TENM3: variants seen among roughly 807,000 people sequenced by gnomAD.
The protein encoded by TENM3 is teneurin transmembrane protein 3.
A neutral mutation model predicts 255.1 loss-of-function variants in TENM3; 63 were observed. The ratio of observed to expected loss-of-function variants is 0.25; its 90% CI spans 0.20 to 0.30. TENM3 has a LOEUF of 0.30. Ranked by LOEUF, TENM3 falls within the 10% of genes least tolerant of loss-of-function variation. The probability of loss-of-function intolerance (pLI) is 1.00; values close to 1 mark genes in which losing one functional copy is unlikely to be tolerated. For missense variants in TENM3, 2,929 were observed against 3,461.1 expected (o/e 0.85, Z 3.86); for synonymous variants, 1,306 against 1,322.3 (o/e 0.99, Z 0.27).
At chr4:182,584,662 C>T (rs1019928090) in intron 3 of TENM3, among the ~76,000 whole-genome samples, 2 of 151,660 alleles carry the variant, frequency 1.3e-5, no homozygotes, top group African/African-American at 2.4e-5. Context: ...TTTTTTGAGA[C>T]GGAGTATTAT....
chr4:181,919,191 G>T, the TENM3 span, among the ~76,000 whole-genome samples: 1 of 152,146 alleles, frequency 6.6e-6, no homozygotes, highest in African/African-American at 2.4e-5. Context: ...ACTTAATTCA[G>T]TTGAGGAGGA....
At chr4:181,577,810 T>C in the TENM3 span, among the ~76,000 whole-genome samples, 1 of 152,136 alleles carries the variant, frequency 6.6e-6, no homozygotes, top group Admixed American at 6.5e-5. Flanking sequence ...TTAATACCAA[T>C]GTGATCTAAT....
At chr4:181,742,967 A>G in the TENM3 span, among the ~76,000 whole-genome samples, 1 of 150,868 alleles carries the variant, frequency 6.6e-6, no homozygotes, top group Non-Finnish European at 1.5e-5. Flanking sequence ...GAGAATGATG[A>G]TTTCCAATTT....
intron 1 of TENM3, among the ~76,000 whole-genome samples, chr4:182,245,196 A>G (rs1372845369): frequency 6.6e-6 from 1 of 152,186 alleles, no homozygotes; most frequent in Non-Finnish European, 1.5e-5. Context: ...TACTTAATCC[A>G]TGGGCTTTGT....
In TENM3 at chr4:182,754,649, C is replaced by T. The variant is rs371891390; in HGVS notation, c.4282C>T (p.Arg1428Trp). Residue 1428 changes from arginine to tryptophan, a missense_variant, in exon 22 of 28, where the codon CGG becomes TGG. Transcript: ENST00000511685. The surrounding 1 kb of genome is among the most constrained non-coding windows in gnomAD (Gnocchi z 5.1). ...TGAAACTGATGAGAAGAAAATTAAC[C>T]GGATAAGGCAGGTCACAACAGATGG... is the stretch of plus-strand genomic sequence containing the variant. ...ITETDEKKIN[R>W]IRQVTTDGEI... is the part of the protein sequence containing the mutation. 35 of 1,613,932 alleles carry T rather than the reference C, an allele frequency of 2.2e-5. 1 individual carries two copies. Among genetic ancestry groups the T allele is most frequent in the African/African-American group, 6.7e-5 (5 of 75,020 alleles).
At chr4:182,476,874 G>A (rs1733727429) in intron 3 of TENM3, among the ~76,000 whole-genome samples, 1 of 152,136 alleles carries the variant, frequency 6.6e-6, no homozygotes, top group African/African-American at 2.4e-5. Flanking sequence ...TCTTCAGAAA[G>A]GTTATTATTG....
At chr4:181,604,365 C>T in the TENM3 span, among the ~76,000 whole-genome samples, 2 of 152,266 alleles carry the variant, frequency 1.3e-5, no homozygotes, top group African/African-American at 2.4e-5. Context: ...CAAAACAAAA[C>T]AAAAATCAGA....
At chr4:182,750,291 C>G (rs1309370976) in intron 19 of TENM3, among the ~76,000 whole-genome samples, 2 of 152,148 alleles carry the variant, frequency 1.3e-5, no homozygotes, top group African/African-American at 4.8e-5. Flanking sequence ...TCTTTTGTCA[C>G]TCAAAGGCTG....
chr4:182,726,304 A>G (rs925705223), intron 13 of TENM3, among the ~76,000 whole-genome samples: 1 of 152,116 alleles, frequency 6.6e-6, no homozygotes, highest in Non-Finnish European at 1.5e-5. Flanking sequence ...CAGAAAATTG[A>G]ATTCAAACAG....
At chr4:181,818,492 C>G in the TENM3 span, among the ~76,000 whole-genome samples, 1 of 152,108 alleles carries the variant, frequency 6.6e-6, no homozygotes, top group Non-Finnish European at 1.5e-5. Flanking sequence ...TACACCAGCT[C>G]CTTGCAGTAA....
At chr4:182,234,723 T>C (rs926441132) in intron 1 of TENM3, among the ~76,000 whole-genome samples, 14 of 151,872 alleles carry the variant, frequency 9.2e-5, no homozygotes, top group African/African-American at 2.7e-4. Flanking sequence ...CAGAGCAAGA[T>C]TCCCTTTCAA....
the TENM3 span, among the ~76,000 whole-genome samples, chr4:181,654,350 C>T: frequency 3.9e-5 from 6 of 151,910 alleles, no homozygotes; most frequent in Non-Finnish European, 7.4e-5. Context: ...TTGAGACATT[C>T]GAGCTTAATT....
chr4:181,888,519 T>TAC, the TENM3 span, among the ~76,000 whole-genome samples: 3 of 89,382 alleles, frequency 3.4e-5, no homozygotes, highest in African/African-American at 5.5e-5. Context: ...TATATATGTA[T>TAC]ATATATACAT....
chr4:182,101,165 AGGGAGGG>A, the TENM3 span, among the ~76,000 whole-genome samples: 4 of 47,698 alleles, frequency 8.4e-5, no homozygotes, highest in East Asian at 1.1e-3. Context: ...GAAGGAAAGA[AGGGAGGG>A]AGGAAGGAAA....
At chr4:182,653,652 G>T (rs1026865095) in intron 5 of TENM3, 119 bp from the exon 6 acceptor site, 2 of 1,108,806 alleles carry the variant, frequency 1.8e-6, no homozygotes, top group South Asian at 3.7e-5. Flanking sequence ...GTTATCCTTG[G>T]TATTTCAGAA....
intron 24 of TENM3, among the ~76,000 whole-genome samples, chr4:182,777,855 TTATA>T (rs112092768): frequency 0.083 from 12,070 of 144,838 alleles, 1,666 homozygotes; most frequent in African/African-American, 0.28. Context: ...ATATATGCTG[TTATA>T]TATATATATA....
the TENM3 span, among the ~76,000 whole-genome samples, chr4:181,728,672 C>A: frequency 6.6e-6 from 1 of 152,128 alleles, no homozygotes. Flanking sequence ...AGGTTTTGGC[C>A]AGCTTCTTTA....
chr4:181,636,127 C>T, the TENM3 span, among the ~76,000 whole-genome samples: 1 of 152,188 alleles, frequency 6.6e-6, no homozygotes, highest in African/African-American at 2.4e-5. Flanking sequence ...CTCACTACAA[C>T]CTCCACATCC....
Position 182,159,609 on chromosome 4 carries a change from T to C in TENM3, c.-76+14855T>C, listed in dbSNP as rs545068045. Among the ~76,000 whole-genome samples the C allele has an allele frequency of 3.9e-5, 6 of 152,250 alleles. No homozygotes were observed. The East Asian group carries it at 9.7e-4, about 25-fold the overall frequency. On this transcript the variant is annotated intron_variant, in intron 1 of 2. Coordinates refer to the TENM3 transcript ENST00000512480. ...GCTGTATTTGGCCTGTCACCTAGAA[T>C]CTTACTTTTAATTAATGAATAATTC...
Sources: allele counts gnomAD v4.1 joint callset (sites outside exome capture counted in the v4.1 genomes callset), GRCh38; gene constraint gnomAD v4.1.1; non-coding constraint Gnocchi (gnomAD v3.1); transcripts MANE v1.5; gene names NCBI Gene and HGNC (gene_info 2026-07-23, HGNC 2026-07-21).